The following NTF3 variants were observed in gnomAD, a reference collection of about 807,000 sequenced individuals.
NTF3 encodes neurotrophin 3, also known as neurotrophin-3.
NTF3 carries 8 observed loss-of-function variants against 26.3 expected under a neutral mutation model. The ratio of observed to expected loss-of-function variants is 0.30; its 90% CI spans 0.18 to 0.55. The LOEUF (loss-of-function observed/expected upper bound fraction) is 0.55, where lower values mean the gene tolerates loss of function less well. Among genes scored for constraint, NTF3 ranks in the 20% least tolerant of loss-of-function variants. The pLI is 0.93. For synonymous variants in NTF3, 154 were observed against 145.5 expected, an observed-to-expected ratio of 1.06 and a Z score of -0.42; for missense variants, 276 against 352.9, an observed-to-expected ratio of 0.78 and a Z score of 1.75.
intron 1 of NTF3, among the ~76,000 whole-genome samples, chr12:5,471,441 G>A (rs1940665355): frequency 6.6e-6 from 1 of 151,800 alleles, no homozygotes; most frequent in Non-Finnish European, 1.5e-5. Flanking sequence ...TCAAACAAAG[G>A]AACTGACATT....
chr12:5,450,897 A>C (rs1005018378), intron 1 of NTF3, among the ~76,000 whole-genome samples: 4 of 152,176 alleles, frequency 2.6e-5, no homozygotes, highest in Non-Finnish European at 5.9e-5. Context: ...GGACTACTGC[A>C]TGGCACCTGG....
At chr12:5,432,448 C>A in intron 1 of NTF3, 106 bp downstream of exon 1, 1 of 1,214,900 alleles carries the variant, frequency 8.2e-7, no homozygotes, top group Non-Finnish European at 1.2e-6. Context: ...GATCCGCATC[C>A]CGCCCCACCC....
chr12:5,437,341 G>A (rs1940179535), intron 1 of NTF3, among the ~76,000 whole-genome samples: 1 of 152,228 alleles, frequency 6.6e-6, no homozygotes, highest in South Asian at 2.1e-4. Flanking sequence ...GGTCACTGCT[G>A]ATGGGTCTCA....
chr12:5,430,922 A>T (rs1940078080), upstream of NTF3, among the ~76,000 whole-genome samples: 1 of 151,880 alleles, frequency 6.6e-6, no homozygotes, highest in African/African-American at 2.4e-5. Context: ...GGACTCGGGA[A>T]GCGGGCAAGT....
intron 1 of NTF3, among the ~76,000 whole-genome samples, chr12:5,488,624 C>T (rs1234271543): frequency 6.6e-6 from 1 of 152,142 alleles, no homozygotes; most frequent in African/African-American, 2.4e-5. Flanking sequence ...TATATATGGC[C>T]TTAGTTTAAT....
At chr12:5,467,939 C>T (rs1240578004) in intron 1 of NTF3, among the ~76,000 whole-genome samples, 2 of 152,214 alleles carry the variant, frequency 1.3e-5, no homozygotes, top group East Asian at 3.9e-4. Flanking sequence ...TTCCCTTTCC[C>T]CAAACTCTGT....
At chr12:5,491,039 C>T (rs183225296) in intron 1 of NTF3, among the ~76,000 whole-genome samples, 4 of 152,320 alleles carry the variant, frequency 2.6e-5, no homozygotes, top group Non-Finnish European at 4.4e-5. Flanking sequence ...CATTGTTTAC[C>T]CCTCACGATA....
At chr12:5,462,862 C>G (rs1213472264) in intron 1 of NTF3, among the ~76,000 whole-genome samples, 1 of 152,190 alleles carries the variant, frequency 6.6e-6, no homozygotes, top group East Asian at 1.9e-4. Context: ...CCAGGCCTGC[C>G]TTAGCTTTTT....
At chr12:5,493,674 A>G (rs1463314007) in intron 1 of NTF3, among the ~76,000 whole-genome samples, 1 of 152,112 alleles carries the variant, frequency 6.6e-6, no homozygotes, top group Non-Finnish European at 1.5e-5. Flanking sequence ...CACATCTGAC[A>G]CTGCAATATG....
rs780262703 is a variant in NTF3 at position 5,483,165 on chromosome 12, A to G, written c.19-11029A>G. ...AGCCTCTCTCTGTCTCTGTATCTCT[A>G]TCTCTTTCTCTCTCTCCCAGTCTCT... is the stretch of plus-strand genomic sequence containing the variant. On this transcript the variant is annotated intron_variant, in intron 1 of 1. Transcript: ENST00000423158. Among the ~76,000 whole-genome samples, 4 of 134,270 alleles carry G rather than the reference A, an allele frequency of 3.0e-5. No homozygotes were observed. In the South Asian group the frequency reaches 1.0e-3, roughly 34 times the overall value. The allele number at this position is 134,270 out of a possible 152,430, so 88.1% of individuals were successfully genotyped here.
At chr12:5,481,254 AGTG>A (rs1025179063) in intron 1 of NTF3, among the ~76,000 whole-genome samples, 6 of 152,034 alleles carry the variant, frequency 3.9e-5, no homozygotes, top group Non-Finnish European at 7.4e-5. Context: ...AGGGACTCAC[AGTG>A]GCCAAAGGGG....
chr12:5,434,460 A>T (rs1049172989), intron 1 of NTF3, among the ~76,000 whole-genome samples: 1 of 142,396 alleles, frequency 7.0e-6, no homozygotes, highest in Non-Finnish European at 1.5e-5. Flanking sequence ...AGGGATGGGG[A>T]TGTTTTTCCA....
At chr12:5,431,580 G>GGGT (rs1457214079), upstream of NTF3, among the ~76,000 whole-genome samples, 1 of 151,978 alleles carries the variant, frequency 6.6e-6, no homozygotes, top group African/African-American at 2.4e-5. Context: ...GCTTGGTAGG[G>GGGT]GGTGGGGAGA....
chr12:5,478,520 G>T (rs1390219559), intron 1 of NTF3, among the ~76,000 whole-genome samples: 1 of 152,230 alleles, frequency 6.6e-6, no homozygotes, highest in Admixed American at 6.5e-5. Flanking sequence ...TTGTGGTGAG[G>T]GTCACTCATG....
intron 1 of NTF3, among the ~76,000 whole-genome samples, chr12:5,482,146 CAT>C (rs1210252888): frequency 1.3e-5 from 2 of 152,076 alleles, no homozygotes; most frequent in African/African-American, 2.4e-5. Flanking sequence ...CACATAGACA[CAT>C]GTTGTGTGCT....
At chr12:5,443,847 G>A (rs960579429) in intron 1 of NTF3, among the ~76,000 whole-genome samples, 3 of 152,118 alleles carry the variant, frequency 2.0e-5, no homozygotes, top group Non-Finnish European at 4.4e-5. Context: ...TGATGTGTGT[G>A]TGTGCATGAG....
At chr12:5,442,671 T>A (rs1345746718) in intron 1 of NTF3, among the ~76,000 whole-genome samples, 1 of 152,198 alleles carries the variant, frequency 6.6e-6, no homozygotes, top group Non-Finnish European at 1.5e-5. Flanking sequence ...TTTTAATAGA[T>A]CCGGACACCA....
chr12:5,467,976 A>T (rs1940613819), intron 1 of NTF3, among the ~76,000 whole-genome samples: 1 of 151,450 alleles, frequency 6.6e-6, no homozygotes, highest in Non-Finnish European at 1.5e-5. Flanking sequence ...CCACCTCCCT[A>T]CCATGCCTGC....
intron 1 of NTF3, among the ~76,000 whole-genome samples, chr12:5,485,844 G>A (rs1228056015): frequency 6.6e-6 from 1 of 152,126 alleles, no homozygotes; most frequent in Non-Finnish European, 1.5e-5. Flanking sequence ...CTACATGAGT[G>A]GGTGAGAAGA....
Sources: allele counts gnomAD v4.1 joint callset (sites outside exome capture counted in the v4.1 genomes callset), GRCh38; gene constraint gnomAD v4.1.1; transcripts MANE v1.5; gene names NCBI Gene and HGNC (gene_info 2026-07-23, HGNC 2026-07-21).